UNC13B: variants seen among roughly 807,000 people sequenced by gnomAD.
UNC13B encodes protein unc-13 homolog B.
UNC13B carries 144 observed loss-of-function variants against 211.0 expected under a neutral mutation model. The ratio of observed to expected loss-of-function variants is 0.68; its 90% CI spans 0.60 to 0.78. The LOEUF (loss-of-function observed/expected upper bound fraction) is 0.78, where lower values mean the gene tolerates loss of function less well. Among genes scored for constraint, UNC13B ranks in the 30% least tolerant of loss-of-function variants. The probability of loss-of-function intolerance (pLI) is 0.00; values close to 1 mark genes in which losing one functional copy is unlikely to be tolerated. For missense variants in UNC13B, 1,777 were observed against 2,002.0 expected (o/e 0.89, Z 2.14); for synonymous variants, 709 against 725.8 (o/e 0.98, Z 0.37).
intron 1 of UNC13B, among the ~76,000 whole-genome samples, chr9:35,220,966 G>C (rs1026446935): frequency 9.2e-5 from 14 of 152,148 alleles, no homozygotes; most frequent in African/African-American, 3.4e-4. Context: ...GGGGTGAGAT[G>C]ATACCTCATA....
chr9:35,294,232 T>C (rs148012365), intron 7 of UNC13B, among the ~76,000 whole-genome samples: 17 of 152,294 alleles, frequency 1.1e-4, no homozygotes, highest in African/African-American at 3.4e-4. Context: ...CAGGTCCTTA[T>C]CTCCTGCCTG....
chr9:35,175,208 G>T (rs368753006), intron 1 of UNC13B, among the ~76,000 whole-genome samples: 4 of 152,356 alleles, frequency 2.6e-5, no homozygotes, highest in African/African-American at 9.6e-5. Flanking sequence ...TGAATTGAAT[G>T]TATCAGTCTC....
Position 35,305,309 on chromosome 9 carries a change from C to T in UNC13B, c.5905C>T (p.Pro1969Ser), listed in dbSNP as rs1829869991. The T allele has an allele frequency of 1.0e-5, 4 of 398,950 alleles. No individual in the cohort carries two copies. The highest frequency in any genetic ancestry group is 1.8e-5 in the Non-Finnish European group (4 of 226,000). The allele number at this position is 398,950 out of a possible 1,614,324, so 24.7% of individuals were successfully genotyped here. The change falls in exon 9 of 40, where the codon CCT (proline) becomes TCT (serine). Residue 1969 changes from proline to serine, a missense_variant. Transcript: ENST00000635942. ...KIGDTNVKIP[P>S]QEKKESSGVS... Reference sequence around the variant, plus strand: ...TGGTGATACAAATGTCAAGATACCACCTCAAGAAAAGAAAGAATCTTCTGG... The same window carrying T: ...TGGTGATACAAATGTCAAGATACCATCTCAAGAAAAGAAAGAATCTTCTGG...
intron 11 of UNC13B, among the ~76,000 whole-genome samples, chr9:35,337,229 G>A (rs957895366): frequency 1.3e-5 from 2 of 152,176 alleles, no homozygotes; most frequent in African/African-American, 2.4e-5. Context: ...GGTGGTTCTG[G>A]AGGAATGGAG....
At chr9:35,293,005 C>G (rs551666848) in intron 7 of UNC13B, among the ~76,000 whole-genome samples, 92 of 152,184 alleles carry the variant, frequency 6.0e-4, no homozygotes, top group Non-Finnish European at 1.1e-3. Context: ...CTGAATTTCC[C>G]TTTTTAGTTT....
intron 11 of UNC13B, among the ~76,000 whole-genome samples, chr9:35,363,983 T>A (rs1833601524): frequency 6.6e-6 from 1 of 152,222 alleles, no homozygotes; most frequent in African/African-American, 2.4e-5. Context: ...CTCCAGGCCC[T>A]ACCCTGGTCC....
intron 11 of UNC13B, among the ~76,000 whole-genome samples, chr9:35,347,056 A>G (rs1218401490): frequency 1.3e-5 from 2 of 151,766 alleles, no homozygotes; most frequent in Non-Finnish European, 2.9e-5. Flanking sequence ...ACATGCCACC[A>G]CATCCAGCTA....
intron 12 of UNC13B, 138 bp downstream of exon 12, chr9:35,367,131 G>C: frequency 1.3e-6 from 1 of 788,898 alleles, no homozygotes; most frequent in Non-Finnish European, 2.1e-6. Context: ...TAGGTTGGTT[G>C]GTTCTCTGAG....
intron 22 of UNC13B, chr9:35,385,060 A>G (rs778295985): frequency 5.5e-5 from 54 of 985,340 alleles, no homozygotes; most frequent in Non-Finnish European, 6.1e-5. Flanking sequence ...TATATTTGGC[A>G]TATAAGTAGC....
intron 7 of UNC13B, among the ~76,000 whole-genome samples, chr9:35,294,055 A>G (rs1829227801): frequency 6.6e-6 from 1 of 150,882 alleles, no homozygotes. Flanking sequence ...TATAAAACCC[A>G]CATGTTTGTG....
chr9:35,228,013 A>G lies in UNC13B; in HGVS notation c.23-2A>G, dbSNP rs1164182115. ...CATGGTATCCTCTTTTTTCTCTTGC[A>G]GTTAAAAGGGCCAAATTCCAGGGTT... On this transcript the variant is annotated splice_acceptor_variant, in intron 1 of 39. Coordinates refer to ENST00000635942, the MANE Select transcript of UNC13B (RefSeq NM_001371189.2). LOFTEE classifies it high-confidence loss of function. The G allele has an allele frequency of 1.2e-6, 2 of 1,611,706 alleles. No homozygotes were observed. The highest frequency in any genetic ancestry group is 1.7e-6 in the Non-Finnish European group (2 of 1,179,022).
At position 35,378,314 on chromosome 9, in the gene UNC13B, A is replaced by G. The variant is rs148645815; in HGVS notation, c.10083A>G (p.Leu3361=). The part of the protein sequence containing the change: ...ITITVVCAQG[L]QAKDKTGSSD... ...TTGCAGTGGTGTGTGCCCAGGGCCTACAAGCCAAGGACAAAACAGGATCCA... is the reference window on the plus strand; with the variant it reads ...TTGCAGTGGTGTGTGCCCAGGGCCTGCAAGCCAAGGACAAAACAGGATCCA... Residue 3361 remains leucine (L), a synonymous_variant, in exon 17 of 40, where the codon CTA becomes CTG. Transcript: ENST00000635942. 1.2e-6 allele frequency: 2 copies of G among 1,614,162 alleles called. No individual in the cohort carries two copies. Among genetic ancestry groups the G allele is most frequent in the African/African-American group, 2.7e-5 (2 of 75,034 alleles).
At chr9:35,327,581 A>G (rs1367162350) in intron 11 of UNC13B, among the ~76,000 whole-genome samples, 1 of 152,204 alleles carries the variant, frequency 6.6e-6, no homozygotes, top group Non-Finnish European at 1.5e-5. Context: ...TTCTAGCTAC[A>G]CTGGCAGCCA....
At chr9:35,297,561 T>TTTTTTTTTTTTTTTTTTTTTTG in intron 8 of UNC13B, among the ~76,000 whole-genome samples, 26 of 128,158 alleles carry the variant, frequency 2.0e-4, no homozygotes, top group Non-Finnish European at 2.7e-4. Context: ...TTTTTTTTTT[T>TTTTTTTTTTTTTTTTTTTTTTG]TTTTTTGAGA....
At chr9:35,229,054 A>T (rs1236635256) in intron 2 of UNC13B, among the ~76,000 whole-genome samples, 1 of 152,222 alleles carries the variant, frequency 6.6e-6, no homozygotes. Context: ...CCAAAAGTTT[A>T]TGAACATTTA....
At chr9:35,270,968 A>G (rs904929292) in intron 7 of UNC13B, among the ~76,000 whole-genome samples, 1 of 151,960 alleles carries the variant, frequency 6.6e-6, no homozygotes, top group Non-Finnish European at 1.5e-5. Flanking sequence ...GTGAAACCCC[A>G]TCTCTACTAA....
At chr9:35,190,226 G>A (rs1429312683) in intron 1 of UNC13B, among the ~76,000 whole-genome samples, 1 of 152,108 alleles carries the variant, frequency 6.6e-6, no homozygotes, top group Non-Finnish European at 1.5e-5. Flanking sequence ...TTTTGTAATC[G>A]GCCCATCCCT....
intron 18 of UNC13B, 65 bp from the exon 19 acceptor site, chr9:35,381,035 A>G: frequency 1.3e-6 from 2 of 1,496,556 alleles, no homozygotes; most frequent in Non-Finnish European, 1.8e-6. Context: ...GGGTTAAGCC[A>G]GAATGGAACT....
At chr9:35,396,719 A>C in intron 27 of UNC13B, 117 bp downstream of exon 27, 1 of 1,597,354 alleles carries the variant, frequency 6.3e-7, no homozygotes, top group South Asian at 1.1e-5. Context: ...GTACCACCGT[A>C]GACAAAGAAA....
Sources: gnomAD v4.1 joint callset for allele counts (sites outside exome capture counted in the v4.1 genomes callset) on GRCh38, gnomAD v4.1.1 for gene constraint, MANE v1.5 for transcripts, NCBI Gene and HGNC (gene_info 2026-07-23, HGNC 2026-07-21) for gene names.